The following CACNB2 variants were observed in gnomAD, a reference collection of about 807,000 sequenced individuals.
CACNB2 encodes the protein voltage-dependent L-type calcium channel subunit beta-2.
In CACNB2, 42 loss-of-function variants were observed where a neutral mutation model predicts 73.3. That is an observed-to-expected ratio of 0.57 (90% CI 0.45 to 0.74). CACNB2 has a LOEUF of 0.74. Among genes scored for constraint, CACNB2 ranks in the 30% least tolerant of loss-of-function variants. The pLI, the probability that CACNB2 is intolerant of heterozygous loss-of-function variation, is 0.00. For synonymous variants in CACNB2, 348 were observed against 310.3 expected (o/e 1.12, Z -1.28); for missense variants, 940 against 853.0 (o/e 1.10, Z -1.27).
At chr10:18,162,133 C>T (rs977877083) in intron 2 of CACNB2, among the ~76,000 whole-genome samples, 1 of 152,136 alleles carries the variant, frequency 6.6e-6, no homozygotes, top group Non-Finnish European at 1.5e-5. Flanking sequence ...ATACCTAAGT[C>T]AGTATCCTTC....
chr10:18,285,484 A>G (rs922036029), intron 2 of CACNB2, among the ~76,000 whole-genome samples: 3 of 152,226 alleles, frequency 2.0e-5, no homozygotes, highest in Non-Finnish European at 4.4e-5. Context: ...ATGGATGTCC[A>G]GCTAAGATAT....
chr10:18,208,523 G>T (rs528843888), intron 2 of CACNB2, among the ~76,000 whole-genome samples: 230 of 152,120 alleles, frequency 1.5e-3, no homozygotes, highest in African/African-American at 5.3e-3. Context: ...GAGGTGGGAG[G>T]ATTGCTTGAG....
chr10:18,226,607 G>C (rs2131421857), intron 2 of CACNB2, among the ~76,000 whole-genome samples: 1 of 152,276 alleles, frequency 6.6e-6, no homozygotes, highest in South Asian at 2.1e-4. Flanking sequence ...GGCACTTCTT[G>C]AGATTCATGA....
chr10:18,494,908 TA>T (rs1213972911), intron 3 of CACNB2, among the ~76,000 whole-genome samples: 2 of 151,720 alleles, frequency 1.3e-5, no homozygotes, highest in Non-Finnish European at 1.5e-5. Flanking sequence ...AAAGTTTTTT[TA>T]AAAAAAATAA....
At chr10:18,417,085 A>G (rs1564525342) in intron 3 of CACNB2, among the ~76,000 whole-genome samples, 1 of 151,154 alleles carries the variant, frequency 6.6e-6, no homozygotes, top group East Asian at 1.9e-4. Context: ...TCTTTGTTTC[A>G]TGCTCTAGAG....
At chr10:18,446,849 G>A (rs2046758152) in intron 3 of CACNB2, among the ~76,000 whole-genome samples, 1 of 152,086 alleles carries the variant, frequency 6.6e-6, no homozygotes, top group South Asian at 2.1e-4. Context: ...AGGATCGCTG[G>A]AGCCCAGAAG....
intron 2 of CACNB2, among the ~76,000 whole-genome samples, chr10:18,378,525 G>T (rs1007590996): frequency 6.6e-6 from 1 of 152,186 alleles, no homozygotes; most frequent in East Asian, 1.9e-4. Context: ...AAGGCAGGGG[G>T]ATCACTTGAG....
chr10:18,478,842 C>T (rs1349912825), intron 3 of CACNB2, among the ~76,000 whole-genome samples: 1 of 152,114 alleles, frequency 6.6e-6, no homozygotes. Context: ...GAAGCAGAAA[C>T]CATTGGTCTC....
intron 2 of CACNB2, among the ~76,000 whole-genome samples, chr10:18,333,205 A>C (rs2040871375): frequency 6.6e-6 from 1 of 152,158 alleles, no homozygotes; most frequent in Non-Finnish European, 1.5e-5. Context: ...GCTTGAATTC[A>C]ACGCGCTTTC....
At chr10:18,215,443 G>A (rs1330684198) in intron 2 of CACNB2, among the ~76,000 whole-genome samples, 7 of 152,092 alleles carry the variant, frequency 4.6e-5, no homozygotes, top group Non-Finnish European at 7.4e-5. Context: ...CCAATCTGAG[G>A]ATTTGCAAAG....
At chr10:18,447,905 T>G (rs1209061628) in intron 3 of CACNB2, among the ~76,000 whole-genome samples, 1 of 152,184 alleles carries the variant, frequency 6.6e-6, no homozygotes, top group Non-Finnish European at 1.5e-5. Flanking sequence ...TATTTTTGTT[T>G]TCTTTTAAGG....
At chr10:18,508,584 T>C (rs1432764585) in intron 6 of CACNB2, among the ~76,000 whole-genome samples, 1 of 152,216 alleles carries the variant, frequency 6.6e-6, no homozygotes, top group Middle Eastern at 3.2e-3. Flanking sequence ...TCTTTCTATA[T>C]ACCAGAAAAA....
At chr10:18,262,350 G>T (rs1434035749) in intron 2 of CACNB2, among the ~76,000 whole-genome samples, 2 of 152,136 alleles carry the variant, frequency 1.3e-5, no homozygotes, top group African/African-American at 4.8e-5. Flanking sequence ...TAACTATACT[G>T]TCAAACCTTA....
At chr10:18,395,856 A>AC (rs1158764706) in intron 2 of CACNB2, among the ~76,000 whole-genome samples, 1 of 152,170 alleles carries the variant, frequency 6.6e-6, no homozygotes, top group Non-Finnish European at 1.5e-5. Context: ...CAGTTTGCAA[A>AC]CTAAGGTATA....
intron 3 of CACNB2, among the ~76,000 whole-genome samples, chr10:18,453,990 G>C (rs1048248469): frequency 2.0e-5 from 3 of 152,158 alleles, no homozygotes; most frequent in African/African-American, 7.2e-5. Context: ...GCCTGCGTTT[G>C]TGTTTCACTT....
intron 2 of CACNB2, among the ~76,000 whole-genome samples, chr10:18,357,366 A>G (rs2041964595): frequency 6.6e-6 from 1 of 152,206 alleles, no homozygotes; most frequent in African/African-American, 2.4e-5. Context: ...ATACTGACCC[A>G]ATGAATAAAA....
intron 2 of CACNB2, among the ~76,000 whole-genome samples, chr10:18,177,015 A>C (rs1043757397): frequency 2.6e-5 from 4 of 152,024 alleles, no homozygotes; most frequent in Non-Finnish European, 5.9e-5. Flanking sequence ...CATTTTAGGT[A>C]GTGACTGAGG....
At chr10:18,264,972 C>A (rs112615661) in intron 2 of CACNB2, among the ~76,000 whole-genome samples, 1 of 152,044 alleles carries the variant, frequency 6.6e-6, no homozygotes, top group Non-Finnish European at 1.5e-5. Flanking sequence ...TCTGAAACAT[C>A]GGGTCAATGT....
At chr10:18,403,247 C>A (rs2044101652) in intron 3 of CACNB2, among the ~76,000 whole-genome samples, 1 of 152,122 alleles carries the variant, frequency 6.6e-6, no homozygotes, top group Non-Finnish European at 1.5e-5. Flanking sequence ...GGCCCAGTTG[C>A]CATCAATGAA....
Sources: allele counts gnomAD v4.1 joint callset (sites outside exome capture counted in the v4.1 genomes callset), GRCh38; gene constraint gnomAD v4.1.1; transcripts MANE v1.5; gene names NCBI Gene and HGNC (gene_info 2026-07-23, HGNC 2026-07-21).